The following SLC38A8 variants were observed in gnomAD, a reference collection of about 807,000 sequenced individuals.
The protein encoded by SLC38A8 is solute carrier family 38 member 8, also known as amino acid transporter SLC38A8.
SLC38A8 carries 65 observed loss-of-function variants against 46.0 expected under a neutral mutation model. The ratio of observed to expected loss-of-function variants is 1.41; its 90% CI spans 1.16 to 1.74. The LOEUF (loss-of-function observed/expected upper bound fraction) is 1.74. Among genes scored for constraint, SLC38A8 ranks in the 40% most tolerant of loss-of-function variants. SLC38A8 has a pLI of 0.00. For missense variants in SLC38A8, 998 were observed against 567.9 expected, an observed-to-expected ratio of 1.76 and a Z score of -7.70; for synonymous variants, 447 against 243.7, an observed-to-expected ratio of 1.83 and a Z score of -7.77.
intron 3 of SLC38A8, 105 bp from the exon 4 acceptor site, chr16:84,033,574 G>A (rs1482069599): frequency 3.7e-6 from 5 of 1,338,586 alleles, no homozygotes; most frequent in African/African-American, 1.5e-5. Flanking sequence ...TCCACCCTCA[G>A]CCAGCCCCAG....
chr16:84,013,028 C>G lies in SLC38A8; in HGVS notation c.1187G>C (p.Gly396Ala), dbSNP rs1361474327. The G allele has an allele frequency of 1.2e-6, 2 of 1,614,190 alleles. No individual in the cohort carries two copies. Among genetic ancestry groups the G allele is most frequent in the East Asian group, 2.2e-5 (1 of 44,886 alleles). ...FPGLCLICAM[G>A]VEPIGPRVKC... ...GACTCTTGGTCCTATAGGCTCGACA[C>G]CCATTGCACAGATGAGGCACAAACC... The change falls in exon 10 of 11, where the codon GGT becomes GCT. Residue 396 changes from glycine to alanine, a missense_variant. Transcript: ENST00000299709.
intron 6 of SLC38A8, among the ~76,000 whole-genome samples, chr16:84,023,336 T>G (rs1567695874): frequency 2.0e-5 from 3 of 152,066 alleles, no homozygotes; most frequent in Admixed American, 1.3e-4. Flanking sequence ...GAATAAAGGC[T>G]CTTGTACTCC....
chr16:84,030,436 G>A (rs1005110439), intron 5 of SLC38A8, among the ~76,000 whole-genome samples: 9 of 152,036 alleles, frequency 5.9e-5, no homozygotes, highest in African/African-American at 1.9e-4. Context: ...TCAATGCCAT[G>A]TCTGGGCCAA....
chr16:84,018,819 G>T (rs1322824032), intron 7 of SLC38A8, among the ~76,000 whole-genome samples: 1 of 152,152 alleles, frequency 6.6e-6, no homozygotes, highest in Non-Finnish European at 1.5e-5. Context: ...CAAGACAAAG[G>T]GGATCTGGTC....
chr16:84,021,791 A>AT (rs949397734), intron 7 of SLC38A8, among the ~76,000 whole-genome samples: 18 of 152,310 alleles, frequency 1.2e-4, no homozygotes, highest in Admixed American at 8.5e-4. Flanking sequence ...CAGAAAGGAA[A>AT]TTTTTTTACA....
chr16:84,033,303 C>A, intron 4 of SLC38A8, 25 bp downstream of exon 4: 1 of 1,613,930 alleles, frequency 6.2e-7, no homozygotes, highest in Non-Finnish European at 8.5e-7. Context: ...TGGGGGCCCC[C>A]ACCAGGCAGC....
At position 84,042,545 on chromosome 16, in the gene SLC38A8, C is replaced by G. The variant is rs1477595218; in HGVS notation, c.-3+6G>C. On this transcript the variant is annotated splice_donor_region_variant and intron_variant, in intron 1 of 10. Transcript: ENST00000299709. ...TACAAACAGACCCCCAGTTCCTGGT[C>G]CTTACCACCAAATCCAACTTTTAAG... is the stretch of plus-strand genomic sequence containing the variant. The G allele has an allele frequency of 6.0e-6, 1 of 166,554 alleles. No homozygotes were observed. Among genetic ancestry groups the G allele is most frequent in the Admixed American group, 6.0e-5 (1 of 16,592 alleles). 10.3% of individuals were successfully genotyped at this position (166,554 alleles called of 1,614,324 possible).
Position 84,016,674 on chromosome 16 carries a change from CTG to C in SLC38A8, c.1005_1006del (p.Ser336ArgfsTer31), listed in dbSNP as rs763131131. 2.5e-6 allele frequency: 4 copies of C among 1,613,574 alleles called. No individual in the cohort carries two copies. Among genetic ancestry groups the C allele is most frequent in the Non-Finnish European group, 3.4e-6 (4 of 1,180,016 alleles). On this transcript the variant is annotated frameshift_variant, in exon 9 of 11. Transcript: ENST00000299709. LOFTEE classifies it high-confidence loss of function. ...CAGCCCTGAGGGGTCGGCCAGGGCG[CTG>C]GGCCCCCATCCCCCCAAGCAGCTCC...
intron 2 of SLC38A8, among the ~76,000 whole-genome samples, chr16:84,038,764 T>A (rs2085331604): frequency 6.6e-6 from 1 of 152,194 alleles, no homozygotes; most frequent in African/African-American, 2.4e-5. Flanking sequence ...GTCTAGTATT[T>A]TCCACCTTTA....
At chr16:84,030,245 C>T (rs904259876) in intron 5 of SLC38A8, among the ~76,000 whole-genome samples, 3 of 152,086 alleles carry the variant, frequency 2.0e-5, no homozygotes, top group Non-Finnish European at 4.4e-5. Context: ...AAAGATCTGC[C>T]CCTGGAGTCT....
chr16:84,042,093 G>A lies in SLC38A8; in HGVS notation c.65C>T (p.Ala22Val). 1 of 1,614,064 alleles carries A rather than the reference G, an allele frequency of 6.2e-7. No homozygotes were observed. The highest frequency in any genetic ancestry group is 8.5e-7 in the Non-Finnish European group (1 of 1,180,008). ...GACAGCGCCCATCGAGGACAGAGTG[G>A]CAGCAGCCGTGGCAGGGTGAGGCTT... ...PEKPHPATAA[A>V]TLSSMGAVFI... The change falls in exon 2 of 11, where the codon GCC becomes GTC. Residue 22 changes from alanine (A) to valine (V), a missense_variant. Transcript: ENST00000299709.
chr16:84,027,566 G>A (rs771655691), intron 6 of SLC38A8, among the ~76,000 whole-genome samples: 20 of 152,280 alleles, frequency 1.3e-4, no homozygotes, highest in East Asian at 9.7e-4. Flanking sequence ...GTATGTGACC[G>A]TCCCTTTCCT....
intron 7 of SLC38A8, among the ~76,000 whole-genome samples, chr16:84,018,095 T>C (rs1454882196): frequency 1.3e-5 from 2 of 152,096 alleles, no homozygotes; most frequent in Non-Finnish European, 2.9e-5. Flanking sequence ...CTTCCTACAG[T>C]TATGAAGGCT....
intron 6 of SLC38A8, among the ~76,000 whole-genome samples, chr16:84,023,218 G>T (rs563863074): frequency 3.3e-5 from 5 of 151,612 alleles, no homozygotes; most frequent in African/African-American, 1.2e-4. Context: ...TCCCTTACCT[G>T]CCCACCTTAT....
intron 6 of SLC38A8, among the ~76,000 whole-genome samples, chr16:84,027,875 G>A (rs557569976): frequency 3.9e-5 from 6 of 152,270 alleles, no homozygotes; most frequent in Non-Finnish European, 7.4e-5. Flanking sequence ...CACAGAGAGA[G>A]GTTCTTAAAC....
chr16:84,033,228 A>G (rs1405354307), intron 4 of SLC38A8, 100 bp downstream of exon 4: 1 of 1,510,844 alleles, frequency 6.6e-7, no homozygotes, highest in Middle Eastern at 1.7e-4. Context: ...CCAAATGTGA[A>G]GGCCAATTCC....
Position 84,031,655 on chromosome 16 carries a change from G to A in SLC38A8, c.632+212C>T, listed in dbSNP as rs545264552. ...TTGGCGGTTCTGCGTCCCTTGGCCTGTCCCGGTCATCGCTAGCCACGGCCA... is the reference window on the plus strand; with the variant it reads ...TTGGCGGTTCTGCGTCCCTTGGCCTATCCCGGTCATCGCTAGCCACGGCCA... On this transcript the variant is annotated intron_variant, in intron 5 of 10. Coordinates refer to ENST00000299709, the MANE Select transcript of SLC38A8 (RefSeq NM_001080442.3). Among the ~76,000 whole-genome samples the A allele has an allele frequency of 1.3e-3, 205 of 152,336 alleles. 1 individual carries two copies. The highest frequency in any genetic ancestry group is 4.8e-3 in the African/African-American group (200 of 41,576).
At chr16:84,033,120 C>A (rs1398273731) in intron 4 of SLC38A8, among the ~76,000 whole-genome samples, 2 of 152,224 alleles carry the variant, frequency 1.3e-5, no homozygotes, top group East Asian at 3.8e-4. Flanking sequence ...CTGAGTAGCA[C>A]TGACGTTGTT....
chr16:84,039,985 G>C (rs1003112784), intron 2 of SLC38A8: 1 of 152,208 alleles, frequency 6.6e-6, no homozygotes, highest in Non-Finnish European at 1.5e-5. Flanking sequence ...ACCCTGCTTA[G>C]CTCCTGAGAT....
Sources: allele counts gnomAD v4.1 joint callset (sites outside exome capture counted in the v4.1 genomes callset), GRCh38; gene constraint gnomAD v4.1.1; transcripts MANE v1.5; gene names NCBI Gene and HGNC (gene_info 2026-07-23, HGNC 2026-07-21).